GABRA3: variants seen among roughly 807,000 people sequenced by gnomAD.
GABRA3 encodes the protein gamma-aminobutyric acid type A receptor subunit alpha3, also known as gamma-aminobutyric acid receptor subunit alpha-3.
Under a neutral mutation model 30.1 loss-of-function variants are expected in GABRA3, and 10 were observed. The observed-to-expected ratio is 0.33, with a 90% CI of 0.20 to 0.56. The LOEUF (loss-of-function observed/expected upper bound fraction) is 0.56. Ranked by LOEUF, GABRA3 falls within the 20% of genes least tolerant of loss-of-function variation. The pLI is 0.89. For synonymous variants in GABRA3, 151 were observed against 146.8 expected, an observed-to-expected ratio of 1.03 and a Z score of -0.21; for missense variants, 233 against 392.0, an observed-to-expected ratio of 0.59 and a Z score of 3.42.
At chrX:152,299,701 C>T (rs192654665) in intron 3 of GABRA3, among the ~76,000 whole-genome samples, 1 of 111,644 alleles carries the variant, frequency 9.0e-6, no homozygotes, top group Non-Finnish European at 1.9e-5. Flanking sequence ...CTTTCTCTCC[C>T]ACTTGTTATA....
chrX:152,242,700 A>C (rs1326902415), intron 5 of GABRA3, among the ~76,000 whole-genome samples: 1 of 112,081 alleles, frequency 8.9e-6, no homozygotes, highest in Non-Finnish European at 1.9e-5. Context: ...ATATTACCTC[A>C]CACCTGTTAG....
intron 5 of GABRA3, among the ~76,000 whole-genome samples, chrX:152,228,970 T>C (rs1457280933): frequency 9.0e-6 from 1 of 111,437 alleles, no homozygotes; most frequent in Non-Finnish European, 1.9e-5. Flanking sequence ...ATCACTATCA[T>C]CATTATTATT....
intron 6 of GABRA3, among the ~76,000 whole-genome samples, chrX:152,210,533 G>A (rs551221411): frequency 8.9e-6 from 1 of 112,216 alleles, no homozygotes; most frequent in Admixed American, 9.4e-5. Context: ...TCATCTACAA[G>A]GGATGGTCAC....
intron 5 of GABRA3, among the ~76,000 whole-genome samples, chrX:152,227,454 G>C (rs1239357432): frequency 1.7e-4 from 18 of 105,473 alleles, no homozygotes; most frequent in African/African-American, 5.2e-4. Context: ...AATGGGTGCA[G>C]CACACGAGCA....
At chrX:152,236,587 T>A (rs1856592664) in intron 5 of GABRA3, among the ~76,000 whole-genome samples, 1 of 103,864 alleles carries the variant, frequency 9.6e-6, no homozygotes, top group Non-Finnish European at 2.0e-5. Flanking sequence ...TCCACAATGG[T>A]TGAACTAGTT....
chrX:152,420,266 T>C (rs967167674), intron 1 of GABRA3, among the ~76,000 whole-genome samples: 1 of 111,278 alleles, frequency 9.0e-6, no homozygotes, highest in Non-Finnish European at 1.9e-5. Context: ...CTAGAGGTCT[T>C]AGGCAATACA....
chrX:152,217,382 A>C (rs970564713), intron 6 of GABRA3, among the ~76,000 whole-genome samples: 3 of 111,606 alleles, frequency 2.7e-5, no homozygotes, highest in African/African-American at 9.7e-5. Context: ...TATACTCATA[A>C]GAAATACTTG....
At chrX:152,301,067 G>A (rs1056661462) in intron 3 of GABRA3, among the ~76,000 whole-genome samples, 2 of 111,880 alleles carry the variant, frequency 1.8e-5, no homozygotes, top group Non-Finnish European at 3.8e-5. Context: ...ATCATGCCTA[G>A]ACATATCATA....
chrX:152,234,575 A>G (rs181118692), intron 5 of GABRA3, among the ~76,000 whole-genome samples: 5 of 111,098 alleles, frequency 4.5e-5, no homozygotes, highest in African/African-American at 1.6e-4. Context: ...GTTTTTCTAG[A>G]TTTTCTTCTA....
At chrX:152,343,007 T>A (rs1387353739) in intron 3 of GABRA3, among the ~76,000 whole-genome samples, 1 of 111,695 alleles carries the variant, frequency 9.0e-6, no homozygotes, top group African/African-American at 3.3e-5. Context: ...CATCCTTGAG[T>A]TGTGAGGTAA....
intron 3 of GABRA3, among the ~76,000 whole-genome samples, chrX:152,317,000 G>C (rs902330085): frequency 1.8e-5 from 2 of 111,791 alleles, no homozygotes; most frequent in Non-Finnish European, 3.8e-5. Flanking sequence ...TGGAATAGTA[G>C]CTCACATATC....
At chrX:152,214,172 C>T (rs1184414334) in intron 6 of GABRA3, among the ~76,000 whole-genome samples, 1 of 111,250 alleles carries the variant, frequency 9.0e-6, no homozygotes, top group East Asian at 2.8e-4. Flanking sequence ...TGAGAATATG[C>T]GGTATTCGAG....
intron 4 of GABRA3, among the ~76,000 whole-genome samples, chrX:152,275,235 ATATTT>A (rs1385295686): frequency 0.011 from 693 of 62,524 alleles, 30 homozygotes; most frequent in African/African-American, 0.049. Flanking sequence ...TAATTTATAT[ATATTT>A]TATTATATAT....
intron 1 of GABRA3, among the ~76,000 whole-genome samples, chrX:152,366,534 T>C (rs1295284168): frequency 8.9e-6 from 1 of 111,961 alleles, no homozygotes; most frequent in African/African-American, 3.2e-5. Flanking sequence ...TAAGAATAGA[T>C]GGCAATTACA....
chrX:152,447,818 G>A (rs991847549), intron 1 of GABRA3, among the ~76,000 whole-genome samples: 3 of 111,737 alleles, frequency 2.7e-5, no homozygotes, highest in African/African-American at 9.8e-5. Context: ...TCTAATTTGG[G>A]CCTCTTAAAT....
At chrX:152,241,850 G>A (rs902892644) in intron 5 of GABRA3, among the ~76,000 whole-genome samples, 32 of 111,760 alleles carry the variant, frequency 2.9e-4, no homozygotes, top group Non-Finnish European at 5.3e-4. Flanking sequence ...GCAATGCCTC[G>A]CCCTGCTTGG....
At chrX:152,437,883 A>T (rs1180127237) in intron 1 of GABRA3, among the ~76,000 whole-genome samples, 1 of 112,274 alleles carries the variant, frequency 8.9e-6, no homozygotes, top group African/African-American at 3.2e-5. Flanking sequence ...GGTCATAGCC[A>T]GTAAAATACA....
intron 1 of GABRA3, among the ~76,000 whole-genome samples, chrX:152,396,647 G>A (rs1332392940): frequency 8.9e-6 from 1 of 112,039 alleles, no homozygotes; most frequent in Non-Finnish European, 1.9e-5. Flanking sequence ...AGTCAACATT[G>A]TACATGAGGA....
intron 3 of GABRA3, among the ~76,000 whole-genome samples, chrX:152,325,807 C>A (rs763510074): frequency 9.0e-6 from 1 of 111,573 alleles, no homozygotes; most frequent in East Asian, 2.8e-4. Flanking sequence ...TCCAAAGGAA[C>A]GCAGCTCCTC....
Sources: gnomAD v4.1 joint callset for allele counts (sites outside exome capture counted in the v4.1 genomes callset) on GRCh38, gnomAD v4.1.1 for gene constraint, MANE v1.5 for transcripts, NCBI Gene and HGNC (gene_info 2026-07-23, HGNC 2026-07-21) for gene names.